The following ABCC4 variants were observed in gnomAD, a reference collection of about 807,000 sequenced individuals.
The protein encoded by ABCC4 is ATP binding cassette subfamily C member 4 (PEL blood group).
Under a neutral mutation model 168.5 loss-of-function variants are expected in ABCC4, and 102 were observed. The ratio of observed to expected loss-of-function variants is 0.61; its 90% CI spans 0.52 to 0.71. ABCC4 has a LOEUF of 0.71. ABCC4 is among the 30% of genes least tolerant of loss of function. ABCC4 has a pLI of 0.00. For synonymous variants in ABCC4, 617 were observed against 590.7 expected (o/e 1.04, Z -0.65); for missense variants, 1,402 against 1,605.8 (o/e 0.87, Z 2.17).
intron 1 of ABCC4, among the ~76,000 whole-genome samples, chr13:95,288,636 T>C (rs2041319398): frequency 6.6e-6 from 1 of 152,004 alleles, no homozygotes; most frequent in Non-Finnish European, 1.5e-5. Context: ...CAAAGTCCCA[T>C]CTCTACTAAA....
rs930240027 is a variant in ABCC4 at position 95,177,246 on chromosome 13, C to T, written c.1727+461G>A. On this transcript the variant is annotated intron_variant, in intron 13 of 30. Coordinates refer to ENST00000645237, the MANE Select transcript of ABCC4 (RefSeq NM_005845.5). ...GCAACAAAGCCTTCCCAAGAAAGCCCTATGTTGGTCCCAAGGACGTCACTT... is the reference window on the plus strand; with the variant it reads ...GCAACAAAGCCTTCCCAAGAAAGCCTTATGTTGGTCCCAAGGACGTCACTT... Among the ~76,000 whole-genome samples, 4 of 152,276 alleles carry T rather than the reference C, an allele frequency of 2.6e-5. No individual in the cohort carries two copies. The South Asian group carries it at 8.3e-4, about 32-fold the overall frequency.
chr13:95,065,838 T>G (rs1309949503), intron 25 of ABCC4, among the ~76,000 whole-genome samples: 1 of 152,232 alleles, frequency 6.6e-6, no homozygotes, highest in Non-Finnish European at 1.5e-5. Context: ...TAATCAACAT[T>G]AGTTTGATTC....
At chr13:95,178,647 C>T (rs906578952) in intron 11 of ABCC4, among the ~76,000 whole-genome samples, 1 of 152,142 alleles carries the variant, frequency 6.6e-6, no homozygotes, top group Non-Finnish European at 1.5e-5. Flanking sequence ...TGGGGTGATA[C>T]GTGCCCAAGG....
intron 19 of ABCC4, among the ~76,000 whole-genome samples, chr13:95,157,429 G>C (rs2036906872): frequency 6.6e-6 from 1 of 151,956 alleles, no homozygotes; most frequent in Non-Finnish European, 1.5e-5. Context: ...CCAAGAGGTG[G>C]ACATTTGCAG....
At chr13:95,240,836 TG>T (rs1295578906) in intron 3 of ABCC4, among the ~76,000 whole-genome samples, 6 of 151,238 alleles carry the variant, frequency 4.0e-5, no homozygotes, top group Non-Finnish European at 8.8e-5. Context: ...CTACATGTGG[TG>T]GTATAAGCTT....
chr13:95,210,925 C>G, intron 4 of ABCC4, 144 bp from the exon 5 acceptor site: 1 of 587,306 alleles, frequency 1.7e-6, no homozygotes, highest in Non-Finnish European at 3.0e-6. Context: ...TGCCCCCTCT[C>G]TCTGCCCCAC....
At chr13:95,039,820 A>T (rs2032277172) in intron 29 of ABCC4, among the ~76,000 whole-genome samples, 1 of 152,352 alleles carries the variant, frequency 6.6e-6, no homozygotes, top group South Asian at 2.1e-4. Flanking sequence ...TCTCAGGAAC[A>T]GGGGAAGGGC....
chr13:95,058,306 G>A (rs2033139220), intron 26 of ABCC4, among the ~76,000 whole-genome samples: 1 of 151,936 alleles, frequency 6.6e-6, no homozygotes, highest in Non-Finnish European at 1.5e-5. Context: ...AAGTTGGGTA[G>A]ACAGAAAAAC....
chr13:95,169,543 C>A (rs1358926116), intron 14 of ABCC4, among the ~76,000 whole-genome samples: 1 of 152,110 alleles, frequency 6.6e-6, no homozygotes, highest in Non-Finnish European at 1.5e-5. Context: ...GCTTTAGGAC[C>A]CCACTGCCAG....
intron 30 of ABCC4, among the ~76,000 whole-genome samples, chr13:95,025,553 A>G (rs1377667372): frequency 1.5e-5 from 2 of 135,120 alleles, no homozygotes; most frequent in East Asian, 4.4e-4. Flanking sequence ...GTACTTCTAC[A>G]TTAAGCACAG....
chr13:95,121,889 T>C (rs1243698606), intron 19 of ABCC4, among the ~76,000 whole-genome samples: 1 of 152,182 alleles, frequency 6.6e-6, no homozygotes, highest in African/African-American at 2.4e-5. Context: ...AGATTGCCTC[T>C]GAAGAAAGGT....
chr13:95,215,500 A>G (rs55657003), intron 4 of ABCC4, among the ~76,000 whole-genome samples: 18,577 of 152,314 alleles, frequency 0.12, 1,456 homozygotes, highest in South Asian at 0.19. Context: ...AGACAGAAGT[A>G]AAATATACGA....
At chr13:95,254,168 G>T (rs2040337895) in intron 1 of ABCC4, among the ~76,000 whole-genome samples, 1 of 152,216 alleles carries the variant, frequency 6.6e-6, no homozygotes, top group South Asian at 2.1e-4. Context: ...AAAGTGTTGG[G>T]ATTATAGGCA....
intron 23 of ABCC4, 65 bp from the exon 24 acceptor site, chr13:95,073,369 C>T: frequency 8.4e-7 from 1 of 1,190,616 alleles, no homozygotes; most frequent in Non-Finnish European, 1.2e-6. Context: ...GCTCCTTCTG[C>T]CACTTACCAA....
intron 1 of ABCC4, among the ~76,000 whole-genome samples, chr13:95,270,343 A>G (rs1219097741): frequency 2.8e-5 from 2 of 71,248 alleles, no homozygotes; most frequent in African/African-American, 2.8e-4. Flanking sequence ...AGGCTGTGAA[A>G]AAAAAAAAAA....
intron 19 of ABCC4, among the ~76,000 whole-genome samples, chr13:95,142,803 T>C (rs1021337363): frequency 9.2e-5 from 14 of 152,242 alleles, no homozygotes; most frequent in East Asian, 7.7e-4. Context: ...AATTAGAAGA[T>C]TTATGAAACG....
At chr13:95,183,877 A>G (rs1431549605) in intron 11 of ABCC4, among the ~76,000 whole-genome samples, 1 of 152,052 alleles carries the variant, frequency 6.6e-6, no homozygotes, top group Non-Finnish European at 1.5e-5. Context: ...TTACACCATT[A>G]GACTCCAGCC....
intron 19 of ABCC4, among the ~76,000 whole-genome samples, chr13:95,131,435 C>G (rs2035959486): frequency 6.6e-6 from 1 of 152,122 alleles, no homozygotes; most frequent in Non-Finnish European, 1.5e-5. Context: ...TGAGAGCAGC[C>G]TGGCCAACAT....
chr13:95,048,722 A>G (rs1439171273), intron 27 of ABCC4, among the ~76,000 whole-genome samples: 1 of 152,216 alleles, frequency 6.6e-6, no homozygotes, highest in African/African-American at 2.4e-5. Context: ...AATTCTATCA[A>G]TGTTGAACAT....
Sources: allele counts gnomAD v4.1 joint callset (sites outside exome capture counted in the v4.1 genomes callset), GRCh38; gene constraint gnomAD v4.1.1; transcripts MANE v1.5; gene names NCBI Gene and HGNC (gene_info 2026-07-23, HGNC 2026-07-21).